PKIB: variants seen among roughly 807,000 people sequenced by gnomAD.
PKIB encodes PKI-beta.
In PKIB, 2 loss-of-function variants were observed where a neutral mutation model predicts 4.5. That is an observed-to-expected ratio of 0.44 (90% confidence interval 0.18 to 1.39). The LOEUF (loss-of-function observed/expected upper bound fraction) is 1.39. Among genes scored for constraint, PKIB ranks in the 40% most tolerant of loss-of-function variants. The probability of loss-of-function intolerance (pLI) is 0.27; values close to 1 mark genes in which losing one functional copy is unlikely to be tolerated. For synonymous variants in PKIB, 38 were observed against 36.0 expected, an observed-to-expected ratio of 1.06 and a Z score of -0.20; for missense variants, 94 against 92.6, an observed-to-expected ratio of 1.02 and a Z score of -0.06.
chr6:122,533,294 C>T (rs1362263830), intron 2 of PKIB, among the ~76,000 whole-genome samples: 1 of 151,932 alleles, frequency 6.6e-6, no homozygotes, highest in Non-Finnish European at 1.5e-5. Flanking sequence ...CTCAGCCTCC[C>T]AATTAGCTGG....
intron 2 of PKIB, among the ~76,000 whole-genome samples, chr6:122,569,337 C>T (rs1773289037): frequency 6.6e-6 from 1 of 152,224 alleles, no homozygotes; most frequent in Admixed American, 6.5e-5. Flanking sequence ...AAAGTGCCAT[C>T]TCTTGGCTGG....
chr6:122,540,471 T>C (rs914129210), intron 2 of PKIB, among the ~76,000 whole-genome samples: 2 of 152,094 alleles, frequency 1.3e-5, no homozygotes, highest in African/African-American at 4.8e-5. Flanking sequence ...GTTGTTCAGT[T>C]TCCATGTAGT....
intron 2 of PKIB, among the ~76,000 whole-genome samples, chr6:122,523,967 GT>G (rs1219168824): frequency 6.6e-6 from 1 of 152,158 alleles, no homozygotes. Flanking sequence ...CTTCATAGCA[GT>G]ATGAAAATTG....
At chr6:122,622,665 A>G (rs1211029978) in intron 1 of PKIB, among the ~76,000 whole-genome samples, 1 of 152,028 alleles carries the variant, frequency 6.6e-6, no homozygotes, top group Non-Finnish European at 1.5e-5. Flanking sequence ...TCAGCAACCA[A>G]TGCTCTAGTG....
Position 122,688,855 on chromosome 6 carries a change from A to C in PKIB, c.-9+13711A>C, listed in dbSNP as rs908502062. Among the ~76,000 whole-genome samples the C allele has an allele frequency of 7.5e-5, 11 of 147,486 alleles. No individual in the cohort carries two copies. The East Asian group carries it at 2.2e-3, about 30-fold the overall frequency. On this transcript the variant is annotated intron_variant, in intron 3 of 4. Transcript: ENST00000368452. ...GAGTGCAGTGGCGCGATCTCGGCTC[A>C]CTGCAAGCTCCGCCTCCCGGGTTCA...
chr6:122,521,257 A>G (rs1167630041), intron 2 of PKIB, among the ~76,000 whole-genome samples: 1 of 152,134 alleles, frequency 6.6e-6, no homozygotes, highest in Non-Finnish European at 1.5e-5. Context: ...TGGCTTTGGG[A>G]AGTGATTTGG....
intron 3 of PKIB, among the ~76,000 whole-genome samples, chr6:122,594,335 A>C (rs1774107213): frequency 6.6e-6 from 1 of 151,778 alleles, no homozygotes; most frequent in Admixed American, 6.6e-5. Flanking sequence ...AGCCTCCCGA[A>C]AGCTGAGATT....
rs143019076 is a variant in PKIB at position 122,639,236 on chromosome 6, G to A, written c.-76+5869G>A. The stretch of plus-strand genomic sequence containing the variant: ...CAAACACTGTAAGCAGTGAATTCTC[G>A]AGGGGAAAATGGAAAACAAAACAAA... On this transcript the variant is annotated intron_variant, in intron 2 of 4. Coordinates refer to ENST00000368452, the MANE Select transcript of PKIB (RefSeq NM_181795.3). Among the ~76,000 whole-genome samples, 283 of 152,170 alleles carry A rather than the reference G, an allele frequency of 1.9e-3. 4 individuals carry two copies. The East Asian group carries it at 0.046, about 25-fold the overall frequency.
chr6:122,534,271 A>C (rs1777342212), intron 2 of PKIB, among the ~76,000 whole-genome samples: 1 of 151,872 alleles, frequency 6.6e-6, no homozygotes, highest in Non-Finnish European at 1.5e-5. Context: ...AGATGGACCC[A>C]TATATAGCAT....
chr6:122,492,382 T>A (rs1775962684), intron 2 of PKIB, among the ~76,000 whole-genome samples: 1 of 152,112 alleles, frequency 6.6e-6, no homozygotes, highest in Non-Finnish European at 1.5e-5. Flanking sequence ...GCCTTTTAGA[T>A]CTACGACCTA....
At chr6:122,683,044 A>G (rs1207337036) in intron 3 of PKIB, among the ~76,000 whole-genome samples, 1 of 152,178 alleles carries the variant, frequency 6.6e-6, no homozygotes, top group Non-Finnish European at 1.5e-5. Context: ...TCCCACAGGC[A>G]AGGTTGATTT....
chr6:122,715,126 C>T (rs7381460), intron 3 of PKIB, among the ~76,000 whole-genome samples: 149,936 of 152,084 alleles, frequency 0.99, 73,941 homozygotes, highest in Middle Eastern at 1. Flanking sequence ...TCTCTTTCAA[C>T]ATACAAATTT....
At chr6:122,605,556 A>G (rs79293051), upstream of PKIB, among the ~76,000 whole-genome samples, 239 of 152,324 alleles carry the variant, frequency 1.6e-3, 5 homozygotes, top group East Asian at 0.038. Context: ...TATTTCATAT[A>G]TAAGCCCTTC....
At chr6:122,640,802 T>A (rs1047824388) in intron 2 of PKIB, among the ~76,000 whole-genome samples, 6 of 152,206 alleles carry the variant, frequency 3.9e-5, no homozygotes, top group African/African-American at 1.4e-4. Flanking sequence ...GCTGCAATAA[T>A]GAATATTTAA....
intron 3 of PKIB, among the ~76,000 whole-genome samples, chr6:122,686,604 C>A (rs1479961917): frequency 1.3e-5 from 2 of 151,744 alleles, no homozygotes; most frequent in East Asian, 1.9e-4. Context: ...CTCAAGCAGT[C>A]CCCCCACCTC....
intron 3 of PKIB, among the ~76,000 whole-genome samples, chr6:122,589,857 A>G (rs1442950124): frequency 6.6e-6 from 1 of 152,224 alleles, no homozygotes; most frequent in African/African-American, 2.4e-5. Flanking sequence ...TTAGTTAATA[A>G]CAGGAAACCA....
At position 122,717,694 on chromosome 6, in the gene PKIB, T is replaced by G. The variant is rs1002495290; in HGVS notation, c.-8-93T>G. The G allele has an allele frequency of 3.5e-5, 42 of 1,201,488 alleles. No individual in the cohort carries two copies. The Admixed American group carries it at 7.3e-4, about 21-fold the overall frequency. The allele number at this position is 1,201,488 out of a possible 1,614,324, so 74.4% of individuals were successfully genotyped here. ...TCAATGATTAGACTCTCAAGCCTGT[T>G]GTGTTTTTGATCTAGCCATGCCTTT... On this transcript the variant is annotated intron_variant, in intron 3 of 4. Coordinates refer to ENST00000368452, the MANE Select transcript of PKIB (RefSeq NM_181795.3).
At chr6:122,665,643 G>A (rs1177978714) in intron 2 of PKIB, among the ~76,000 whole-genome samples, 1 of 151,994 alleles carries the variant, frequency 6.6e-6, no homozygotes, top group Non-Finnish European at 1.5e-5. Context: ...AGTTTTGAAA[G>A]GAAACAGACG....
chr6:122,592,487 A>G (rs912787864), intron 3 of PKIB, among the ~76,000 whole-genome samples: 3 of 152,200 alleles, frequency 2.0e-5, no homozygotes, highest in African/African-American at 7.2e-5. Context: ...GTCTAGCAAT[A>G]TAGTGTCTGA....
Sources: gnomAD v4.1 joint callset for allele counts (sites outside exome capture counted in the v4.1 genomes callset) on GRCh38, gnomAD v4.1.1 for gene constraint, MANE v1.5 for transcripts, NCBI Gene and HGNC (gene_info 2026-07-23, HGNC 2026-07-21) for gene names.